The following BCL2L13 variants were observed in gnomAD, a reference collection of about 807,000 sequenced individuals.
The protein encoded by BCL2L13 is BCL2 like 13.
BCL2L13 carries 13 observed loss-of-function variants against 25.8 expected under a neutral mutation model. The observed-to-expected ratio is 0.50, with a 90% CI of 0.33 to 0.80. BCL2L13 has a LOEUF of 0.80. Among genes scored for constraint, BCL2L13 ranks in the 30% least tolerant of loss-of-function variants. The probability of loss-of-function intolerance (pLI) is 0.02; values close to 1 mark genes in which losing one functional copy is unlikely to be tolerated. For synonymous variants in BCL2L13, 244 were observed against 230.3 expected, an observed-to-expected ratio of 1.06 and a Z score of -0.54; for missense variants, 504 against 574.9, an observed-to-expected ratio of 0.88 and a Z score of 1.26.
chr22:17,658,894 TA>T (rs536814132), intron 2 of BCL2L13, among the ~76,000 whole-genome samples: 2 of 147,986 alleles, frequency 1.4e-5, no homozygotes, highest in South Asian at 2.1e-4. Context: ...CCATCTCTAC[TA>T]AAAATACAAA....
chr22:17,717,222 C>G (rs1436057641), intron 6 of BCL2L13, among the ~76,000 whole-genome samples: 4 of 152,018 alleles, frequency 2.6e-5, no homozygotes, highest in Non-Finnish European at 2.9e-5. Context: ...AATCCCAGCT[C>G]TTTGGGAGGC....
chr22:17,663,284 A>C (rs1346458226), intron 2 of BCL2L13, among the ~76,000 whole-genome samples: 1 of 152,222 alleles, frequency 6.6e-6, no homozygotes, highest in African/African-American at 2.4e-5. Flanking sequence ...AAATGATGGA[A>C]TTCAGTAGTA....
chr22:17,706,859 A>T, intron 6 of BCL2L13: 1 of 1,344,444 alleles, frequency 7.4e-7, no homozygotes, highest in Non-Finnish European at 9.9e-7. Flanking sequence ...CCGTCGTCAC[A>T]TGATAAATAC....
chr22:17,639,514 T>C (rs2058191361), intron 1 of BCL2L13, among the ~76,000 whole-genome samples: 2 of 152,206 alleles, frequency 1.3e-5, no homozygotes, highest in Admixed American at 6.6e-5. Context: ...TAACCGACTT[T>C]CTGAGTGGAG....
At chr22:17,630,297 TG>T (rs2057982963) in intron 1 of BCL2L13, among the ~76,000 whole-genome samples, 1 of 151,906 alleles carries the variant, frequency 6.6e-6, no homozygotes, top group African/African-American at 2.4e-5. Context: ...CTTTTTTTTT[TG>T]AGACAGAGTC....
At chr22:17,694,665 C>T (rs906604243) in intron 4 of BCL2L13, among the ~76,000 whole-genome samples, 1 of 152,054 alleles carries the variant, frequency 6.6e-6, no homozygotes, top group Non-Finnish European at 1.5e-5. Context: ...ACTTTCAGCA[C>T]ACTGGCTACG....
intron 6 of BCL2L13, among the ~76,000 whole-genome samples, chr22:17,704,039 C>T (rs5992795): frequency 0.093 from 14,104 of 152,192 alleles, 767 homozygotes; most frequent in Non-Finnish European, 0.11. Flanking sequence ...TACTCAACTC[C>T]AGTATCTGTG....
chr22:17,710,958 G>T (rs1488760903), intron 6 of BCL2L13, among the ~76,000 whole-genome samples: 2 of 152,176 alleles, frequency 1.3e-5, no homozygotes, highest in Non-Finnish European at 2.9e-5. Context: ...GTTGTGATCA[G>T]ACAAACTTGA....
intron 4 of BCL2L13, among the ~76,000 whole-genome samples, chr22:17,694,503 AT>A (rs1482101295): frequency 1.3e-5 from 2 of 149,864 alleles, no homozygotes; most frequent in African/African-American, 5.1e-5. Context: ...AGGTGACTCC[AT>A]TTAAAAAAAA....
rs1464198963 is a variant in BCL2L13, at chr22:17,728,707, A to G, written c.*1173A>G. ...GTGTCCTAAATATCACTGAAATAAA[A>G]AGTAGGAAAAAGAAGCTTGAATTTT... On this transcript the variant is annotated 3_prime_UTR_variant, in exon 7 of 7. Transcript: ENST00000317582. The G allele has an allele frequency of 6.6e-6, 1 of 152,254 alleles. No individual in the cohort carries two copies. The highest frequency in any genetic ancestry group is 1.5e-5 in the Non-Finnish European group (1 of 68,042). The allele number at this position is 152,254 out of a possible 1,614,324, so 9.4% of individuals were successfully genotyped here.
Position 17,638,803 on chromosome 22 carries a change from C to T in BCL2L13, c.-134C>T, listed in dbSNP as rs1352352030. 7 of 1,231,840 alleles carry T rather than the reference C, an allele frequency of 5.7e-6. No homozygotes were observed. The highest frequency in any genetic ancestry group is 4.2e-5 in the Admixed American group (1 of 23,702). 76.3% of individuals were successfully genotyped at this position (1,231,840 alleles called of 1,614,324 possible). A position where few individuals can be genotyped will look rare whatever the true frequency, so the allele number is the denominator to read the frequency against. ...GGTAGATTAGGGCCGCGGGTCGGAG[C>T]ACTCACCGCCGCTGGGGGACCCTGT... On this transcript the variant is annotated 5_prime_UTR_variant, in exon 1 of 7. Coordinates refer to ENST00000317582, the MANE Select transcript of BCL2L13 (RefSeq NM_015367.4).
intron 6 of BCL2L13, among the ~76,000 whole-genome samples, chr22:17,709,329 T>C (rs1053284543): frequency 4.6e-5 from 7 of 152,122 alleles, no homozygotes; most frequent in Non-Finnish European, 8.8e-5. Flanking sequence ...ACGTGGTGGC[T>C]CACGCCTGTA....
chr22:17,729,016 T>C lies in BCL2L13; in HGVS notation c.*1482T>C, dbSNP rs2061360402. The C allele has an allele frequency of 2.6e-5, 4 of 152,262 alleles. No homozygotes were observed. Among genetic ancestry groups the C allele is most frequent in the African/African-American group, 9.6e-5 (4 of 41,466 alleles). 9.4% of individuals were successfully genotyped at this position (152,262 alleles called of 1,614,324 possible). A position where few individuals can be genotyped will look rare whatever the true frequency, so the allele number is the denominator to read the frequency against. On this transcript the variant is annotated 3_prime_UTR_variant, in exon 7 of 7. Coordinates refer to ENST00000317582, the MANE Select transcript of BCL2L13 (RefSeq NM_015367.4). ...CCATGCCCGAGGGCCACGACGTCACTATGCAGGGCACACGTGGCTTGGTTT... is the reference window on the plus strand; with the variant it reads ...CCATGCCCGAGGGCCACGACGTCACCATGCAGGGCACACGTGGCTTGGTTT...
intron 2 of BCL2L13, among the ~76,000 whole-genome samples, chr22:17,673,922 C>T (rs549685919): frequency 2.0e-4 from 31 of 152,094 alleles, no homozygotes; most frequent in Admixed American, 1.4e-3. Flanking sequence ...TAAATCTTTA[C>T]GTTGTAACTC....
In BCL2L13 at chr22:17,675,001, T is replaced by C. The variant is rs1038463074; in HGVS notation, c.122-8213T>C. ...GATAGGTAAGTAGTCTGTGAGATCC[T>C]CTACAATTATACTAGTGCTGAGCTG... On this transcript the variant is annotated intron_variant, in intron 2 of 6. Transcript: ENST00000317582. Among the ~76,000 whole-genome samples, 5 of 152,154 alleles carry C rather than the reference T, an allele frequency of 3.3e-5. No individual in the cohort carries two copies. The East Asian group carries it at 9.6e-4, about 29-fold the overall frequency.
At chr22:17,680,140 G>C (rs933841063) in intron 2 of BCL2L13, among the ~76,000 whole-genome samples, 1 of 149,094 alleles carries the variant, frequency 6.7e-6, no homozygotes, top group Non-Finnish European at 1.5e-5. Flanking sequence ...CTTGAACCCC[G>C]GGGGGCGGAG....
At chr22:17,673,265 C>T (rs1159424791) in intron 2 of BCL2L13, among the ~76,000 whole-genome samples, 1 of 151,986 alleles carries the variant, frequency 6.6e-6, no homozygotes, top group East Asian at 1.9e-4. Context: ...CGTGACTCAT[C>T]GCCATAAATA....
Position 17,727,592 on chromosome 22 carries a change from A to G in BCL2L13, c.*58A>G. 1 of 1,588,334 alleles carries G rather than the reference A, an allele frequency of 6.3e-7. No individual in the cohort carries two copies. The highest frequency in any genetic ancestry group is 1.3e-5 in the African/African-American group (1 of 74,548). ...TAAGGTTGGAGTTGTATTGGCTGGA[A>G]TTTGAACCTCCAGCAGCTGTCTGGA... On this transcript the variant is annotated 3_prime_UTR_variant, in exon 7 of 7. Coordinates refer to ENST00000317582, the MANE Select transcript of BCL2L13 (RefSeq NM_015367.4).
chr22:17,671,809 G>A (rs1377977301), intron 2 of BCL2L13, among the ~76,000 whole-genome samples: 1 of 152,084 alleles, frequency 6.6e-6, no homozygotes, highest in African/African-American at 2.4e-5. Flanking sequence ...TGCCTTCTGG[G>A]TTCAAGCAAT....
Sources: allele counts gnomAD v4.1 joint callset (sites outside exome capture counted in the v4.1 genomes callset), GRCh38; gene constraint gnomAD v4.1.1; transcripts MANE v1.5; gene names NCBI Gene and HGNC (gene_info 2026-07-23, HGNC 2026-07-21).